Variants in P2RY14 observed in about 807,000 individuals in gnomAD.
P2RY14 encodes the protein P2Y purinoceptor 14.
Under a neutral mutation model 0.9 loss-of-function variants are expected in P2RY14, and 2 were observed. That is an observed-to-expected ratio of 2.16 (90% confidence interval 0.88 to 6.79). The LOEUF (loss-of-function observed/expected upper bound fraction) is 6.79. Among genes scored for constraint, P2RY14 ranks in the 30% most tolerant of loss-of-function variants. The pLI, the probability that P2RY14 is intolerant of heterozygous loss-of-function variation, is 0.05. For missense variants in P2RY14, 378 were observed against 400.1 expected, an observed-to-expected ratio of 0.94 and a Z score of 0.47; for synonymous variants, 158 against 147.2, an observed-to-expected ratio of 1.07 and a Z score of -0.53.
chr3:151,221,089 A>G (rs1729250674), intron 1 of P2RY14, among the ~76,000 whole-genome samples: 1 of 152,186 alleles, frequency 6.6e-6, no homozygotes, highest in Non-Finnish European at 1.5e-5. Context: ...GATTCTTGTT[A>G]TGTTTTAGCA....
At chr3:151,258,851 C>CAAAA (rs63714361) in intron 1 of P2RY14, among the ~76,000 whole-genome samples, 2 of 89,930 alleles carry the variant, frequency 2.2e-5, no homozygotes, top group Admixed American at 1.1e-4. Context: ...GATTCTGTCT[C>CAAAA]AAAAAAAAAA....
intron 1 of P2RY14, among the ~76,000 whole-genome samples, chr3:151,223,399 A>C (rs563984028): frequency 2.0e-5 from 3 of 152,346 alleles, no homozygotes; most frequent in Admixed American, 2.0e-4. Flanking sequence ...TCACATGTTT[A>C]TTGTAGTACT....
rs542048997 is a variant in P2RY14 at position 151,242,088 on chromosome 3, C to T, written c.-132-22446G>A. On this transcript the variant is annotated intron_variant, in intron 1 of 2. Coordinates refer to ENST00000309170, the MANE Select transcript of P2RY14 (RefSeq NM_014879.4). Reference sequence around the variant, plus strand: ...GACGGGCTTAAAAAACGGGGCACCACGAGATTATATCCCGCACCTGGCTCG... The same window carrying T: ...GACGGGCTTAAAAAACGGGGCACCATGAGATTATATCCCGCACCTGGCTCG... Among the ~76,000 whole-genome samples, 166 of 152,212 alleles carry T rather than the reference C, an allele frequency of 1.1e-3. 2 individuals are homozygous for T. The highest frequency in any genetic ancestry group is 3.7e-3 in the African/African-American group (152 of 41,548).
chr3:151,250,644 A>G (rs1736673274), intron 1 of P2RY14, among the ~76,000 whole-genome samples: 1 of 152,212 alleles, frequency 6.6e-6, no homozygotes, highest in Admixed American at 6.5e-5. Context: ...CTCTATGTAT[A>G]TACCACATTT....
chr3:151,222,054 C>G (rs545804343), intron 1 of P2RY14, among the ~76,000 whole-genome samples: 3 of 152,200 alleles, frequency 2.0e-5, no homozygotes, highest in African/African-American at 7.2e-5. Flanking sequence ...CAAAGGAGAT[C>G]GTTTGGGAAG....
At chr3:151,234,976 G>T (rs577277872) in intron 1 of P2RY14, among the ~76,000 whole-genome samples, 2 of 152,146 alleles carry the variant, frequency 1.3e-5, no homozygotes, top group Admixed American at 1.3e-4. Flanking sequence ...TTCTAACCAC[G>T]TCATGGACGT....
intron 1 of P2RY14, chr3:151,261,249 A>T (rs1026625609): frequency 1.3e-5 from 2 of 152,222 alleles, no homozygotes; most frequent in Non-Finnish European, 2.9e-5. Context: ...AGACCAAAAA[A>T]AAACCCCAAA....
intron 1 of P2RY14, among the ~76,000 whole-genome samples, chr3:151,246,920 C>G (rs973146348): frequency 7.9e-5 from 12 of 152,002 alleles, no homozygotes; most frequent in Non-Finnish European, 1.3e-4. Context: ...AACAAATTTA[C>G]AAGAAAAAAA....
At chr3:151,216,593 A>G (rs577550828) in intron 2 of P2RY14, among the ~76,000 whole-genome samples, 33 of 152,290 alleles carry the variant, frequency 2.2e-4, no homozygotes, top group African/African-American at 6.3e-4. Context: ...TTGCCAGTCT[A>G]TGGACTTCCT....
At chr3:151,225,491 A>G (rs1730305676) in intron 1 of P2RY14, among the ~76,000 whole-genome samples, 1 of 152,128 alleles carries the variant, frequency 6.6e-6, no homozygotes. Flanking sequence ...AATACCATTA[A>G]TTTGCTCACG....
Position 151,214,169 on chromosome 3 carries a change from C to A in P2RY14, c.148G>T (p.Val50Leu), listed in dbSNP as rs1443167404. 1 of 1,614,054 alleles carries A rather than the reference C, an allele frequency of 6.2e-7. No individual in the cohort carries two copies. The highest frequency in any genetic ancestry group is 1.7e-5 in the Admixed American group (1 of 60,018). Residue 50 changes from valine to leucine, a missense_variant, in exon 3 of 3, where the codon GTG becomes TTG. Val to Leu is a conservative substitution (Grantham distance 32, BLOSUM62 1). Coordinates refer to ENST00000309170, the MANE Select transcript of P2RY14 (RefSeq NM_014879.4). Reference sequence around the variant, plus strand: ...ATGATGAAACTCTTAGAGCTGGGCACGTAAAAGAATATCCATCCTGACACT... The same window carrying A: ...ATGATGAAACTCTTAGAGCTGGGCAAGTAAAAGAATATCCATCCTGACACT... ...NGVSGWIFFY[V>L]PSSKSFIIYL...
intron 1 of P2RY14, among the ~76,000 whole-genome samples, chr3:151,231,815 G>A (rs1029928697): frequency 1.3e-5 from 2 of 152,164 alleles, no homozygotes; most frequent in Non-Finnish European, 1.5e-5. Context: ...GTGGTTAAGC[G>A]AGAGAGTATT....
intron 1 of P2RY14, among the ~76,000 whole-genome samples, chr3:151,273,049 T>C (rs1049629487): frequency 6.6e-6 from 1 of 152,078 alleles, no homozygotes; most frequent in Non-Finnish European, 1.5e-5. Context: ...CTAAGTGTAA[T>C]GCAAATATTC....
chr3:151,254,011 T>TG (rs397964674), intron 1 of P2RY14, among the ~76,000 whole-genome samples: 1 of 151,264 alleles, frequency 6.6e-6, no homozygotes, highest in East Asian at 1.9e-4. Context: ...TTTTTTTTTT[T>TG]GTTAATTTAA....
chr3:151,269,047 C>T (rs979802366), intron 1 of P2RY14, among the ~76,000 whole-genome samples: 2 of 152,108 alleles, frequency 1.3e-5, no homozygotes, highest in Non-Finnish European at 2.9e-5. Flanking sequence ...AGACATTGGC[C>T]TCTCTGGGCT....
intron 1 of P2RY14, among the ~76,000 whole-genome samples, chr3:151,263,682 A>G (rs1033307812): frequency 5.3e-5 from 8 of 152,246 alleles, no homozygotes; most frequent in Non-Finnish European, 1.0e-4. Context: ...TCAGTGAATA[A>G]GGACTCATCT....
intron 1 of P2RY14, among the ~76,000 whole-genome samples, chr3:151,226,732 T>C (rs535764573): frequency 6.6e-6 from 1 of 152,350 alleles, no homozygotes; most frequent in Admixed American, 6.5e-5. Flanking sequence ...TCTTCAGTTA[T>C]CTTCCAGATA....
chr3:151,258,696 A>G (rs891311524), intron 1 of P2RY14, among the ~76,000 whole-genome samples: 5 of 151,896 alleles, frequency 3.3e-5, no homozygotes, highest in African/African-American at 1.2e-4. Flanking sequence ...CTAAAAATAC[A>G]AAAAAATTAG....
At chr3:151,255,218 A>G (rs1241390638) in intron 1 of P2RY14, among the ~76,000 whole-genome samples, 3 of 152,162 alleles carry the variant, frequency 2.0e-5, no homozygotes, top group Non-Finnish European at 4.4e-5. Context: ...TATCAGCCAT[A>G]TAACAGGGGA....
Sources: allele counts gnomAD v4.1 joint callset (sites outside exome capture counted in the v4.1 genomes callset), GRCh38; gene constraint gnomAD v4.1.1; transcripts MANE v1.5; gene names NCBI Gene and HGNC (gene_info 2026-07-23, HGNC 2026-07-21).